Variants in GLI3 observed in about 807,000 individuals in gnomAD.
GLI3 encodes the protein GLI family zinc finger 3.
Under a neutral mutation model 100.8 loss-of-function variants are expected in GLI3, and 20 were observed. The ratio of observed to expected loss-of-function variants is 0.20; its 90% CI spans 0.14 to 0.29. The LOEUF (loss-of-function observed/expected upper bound fraction) is 0.29. Ranked by LOEUF, GLI3 falls within the 10% of genes least tolerant of loss-of-function variation. The pLI, the probability that GLI3 is intolerant of heterozygous loss-of-function variation, is 1.00. For missense variants in GLI3, 2,040 were observed against 2,128.5 expected, an observed-to-expected ratio of 0.96 and a Z score of 0.82; for synonymous variants, 938 against 860.5, an observed-to-expected ratio of 1.09 and a Z score of -1.58.
At chr7:42,075,521 G>A (rs1175117218) in intron 4 of GLI3, among the ~76,000 whole-genome samples, 2 of 152,116 alleles carry the variant, frequency 1.3e-5, no homozygotes, top group Non-Finnish European at 2.9e-5. Flanking sequence ...ATTTTAAATT[G>A]GCCTCCTGGT....
chr7:42,083,603 A>G (rs1200045752), intron 3 of GLI3, among the ~76,000 whole-genome samples: 1 of 152,246 alleles, frequency 6.6e-6, no homozygotes, highest in East Asian at 1.9e-4. Flanking sequence ...TCCTTTATGG[A>G]AAAAGGTTGA....
chr7:41,993,967 C>T (rs1321259299), intron 10 of GLI3, among the ~76,000 whole-genome samples: 1 of 152,090 alleles, frequency 6.6e-6, no homozygotes. Context: ...TCTTAGTTGG[C>T]TCCTATTTGT....
At chr7:42,189,190 C>A (rs1322705241) in intron 2 of GLI3, among the ~76,000 whole-genome samples, 1 of 152,018 alleles carries the variant, frequency 6.6e-6, no homozygotes, top group East Asian at 1.9e-4. Context: ...AAAAAGAATG[C>A]CTTAAATAAG....
At chr7:42,084,901 CTTTTTTTTTTTTTTTT>C (rs747166719) in intron 3 of GLI3, among the ~76,000 whole-genome samples, 3 of 47,514 alleles carry the variant, frequency 6.3e-5, no homozygotes, top group East Asian at 1.3e-3. Context: ...CATTTGGATT[CTTTTTTTTTTTTTTTT>C]TTTTTTTTTT....
At chr7:41,991,505 C>T (rs1787986648) in intron 10 of GLI3, among the ~76,000 whole-genome samples, 2 of 152,182 alleles carry the variant, frequency 1.3e-5, no homozygotes, top group Admixed American at 1.3e-4. Context: ...AATCTCCATA[C>T]ACGCAATATG....
At chr7:41,987,743 A>G (rs1787871476) in intron 10 of GLI3, among the ~76,000 whole-genome samples, 1 of 152,226 alleles carries the variant, frequency 6.6e-6, no homozygotes, top group South Asian at 2.1e-4. Context: ...ATATATTCTA[A>G]AATTTACTAA....
chr7:41,995,577 A>G (rs2128719756), intron 10 of GLI3, among the ~76,000 whole-genome samples: 1 of 152,310 alleles, frequency 6.6e-6, no homozygotes, highest in South Asian at 2.1e-4. Context: ...CCCACTATGT[A>G]GATGTAGCTG....
chr7:42,183,410 G>A (rs185617612), intron 2 of GLI3, among the ~76,000 whole-genome samples: 1 of 152,056 alleles, frequency 6.6e-6, no homozygotes, highest in Non-Finnish European at 1.5e-5. Flanking sequence ...TTTGGGTGGG[G>A]GGCAAATCAG....
At chr7:42,207,505 C>G (rs928487991) in intron 2 of GLI3, among the ~76,000 whole-genome samples, 1 of 152,146 alleles carries the variant, frequency 6.6e-6, no homozygotes, top group Non-Finnish European at 1.5e-5. Flanking sequence ...CTCACATAAA[C>G]AGCTGATGGA....
intron 2 of GLI3, among the ~76,000 whole-genome samples, chr7:42,210,035 A>G (rs1354658225): frequency 1.3e-5 from 2 of 150,888 alleles, no homozygotes; most frequent in Admixed American, 6.6e-5. Flanking sequence ...CCATGTCCAT[A>G]AAGTGCCATG....
intron 2 of GLI3, among the ~76,000 whole-genome samples, chr7:42,164,510 C>T (rs1004736618): frequency 6.6e-6 from 1 of 151,182 alleles, no homozygotes; most frequent in South Asian, 2.1e-4. Flanking sequence ...CAGATAAAGA[C>T]CTTGTCTAAA....
chr7:41,992,871 T>C (rs571782357), intron 10 of GLI3, among the ~76,000 whole-genome samples: 1 of 152,278 alleles, frequency 6.6e-6, no homozygotes, highest in African/African-American at 2.4e-5. Flanking sequence ...TCTAGCAATA[T>C]GTTGGAGTGT....
intron 3 of GLI3, chr7:42,113,639 G>T (rs1269389859): frequency 3.2e-6 from 3 of 925,242 alleles, no homozygotes; most frequent in East Asian, 4.9e-5. Context: ...CTGCATTTTT[G>T]ATAACTGTGT....
intron 3 of GLI3, among the ~76,000 whole-genome samples, chr7:42,117,539 T>A (rs2128769515): frequency 6.6e-6 from 1 of 152,322 alleles, no homozygotes; most frequent in East Asian, 1.9e-4. Flanking sequence ...CTTTCCCATC[T>A]GATGGGTGCG....
chr7:42,067,476 C>A (rs1328098486), intron 4 of GLI3, among the ~76,000 whole-genome samples: 2 of 152,204 alleles, frequency 1.3e-5, no homozygotes, highest in African/African-American at 4.8e-5. Context: ...CACTCCCCAT[C>A]AGATGATAGA....
intron 1 of GLI3, among the ~76,000 whole-genome samples, chr7:42,243,167 CAA>C (rs953004637): frequency 4.0e-5 from 6 of 151,878 alleles, no homozygotes; most frequent in African/African-American, 1.4e-4. Flanking sequence ...TAGTGAACAC[CAA>C]AGAGACTCCT....
intron 2 of GLI3, chr7:42,152,583 A>G (rs1317874992): frequency 5.4e-6 from 1 of 186,552 alleles, no homozygotes; most frequent in Non-Finnish European, 1.0e-5. Flanking sequence ...AACTCTCCCT[A>G]TTCAAGCCTC....
At chr7:42,232,484 C>T (rs570006433) in intron 1 of GLI3, among the ~76,000 whole-genome samples, 1 of 152,050 alleles carries the variant, frequency 6.6e-6, no homozygotes, top group South Asian at 2.1e-4. Context: ...TGACTAATGG[C>T]TGGGCCCGGG....
intron 2 of GLI3, among the ~76,000 whole-genome samples, chr7:42,214,533 GAA>G (rs5883819): frequency 7.0e-6 from 1 of 142,298 alleles, no homozygotes; most frequent in African/African-American, 2.6e-5. Flanking sequence ...GAGCAAGCAA[GAA>G]AAAAAAAAAT....
Sources: allele counts gnomAD v4.1 joint callset (sites outside exome capture counted in the v4.1 genomes callset), GRCh38; gene constraint gnomAD v4.1.1; transcripts MANE v1.5; gene names NCBI Gene and HGNC (gene_info 2026-07-23, HGNC 2026-07-21).